Variants in NCBP1 observed in about 807,000 individuals in gnomAD.
The protein encoded by NCBP1 is nuclear cap-binding protein subunit 1.
NCBP1 carries 16 observed loss-of-function variants against 111.7 expected under a neutral mutation model. That is an observed-to-expected ratio of 0.14 (90% CI 0.10 to 0.22). The LOEUF (loss-of-function observed/expected upper bound fraction) is 0.22, where lower values mean the gene tolerates loss of function less well. NCBP1 is among the 10% of genes least tolerant of loss of function. The probability of loss-of-function intolerance (pLI) is 1.00; values close to 1 mark genes in which losing one functional copy is unlikely to be tolerated. For missense variants in NCBP1, 607 were observed against 957.5 expected, an observed-to-expected ratio of 0.63 and a Z score of 4.83; for synonymous variants, 304 against 314.3, an observed-to-expected ratio of 0.97 and a Z score of 0.35.
intron 8 of NCBP1, 81 bp downstream of exon 8, chr9:97,648,304 TG>T: frequency 7.7e-7 from 1 of 1,290,366 alleles, no homozygotes; most frequent in Non-Finnish European, 1.1e-6. Flanking sequence ...ATTATGCCTG[TG>T]GTATGTTTTA....
At position 97,655,707 on chromosome 9, in the gene NCBP1, T is replaced by C; in HGVS notation, c.1241T>C (p.Ile414Thr). 6.2e-7 allele frequency: 1 copy of C among 1,611,676 alleles called. No individual in the cohort carries two copies. The highest frequency in any genetic ancestry group is 8.5e-7 in the Non-Finnish European group (1 of 1,178,890). ...CCTCCCCCTTCTCTACGTAGGTTTA[T>C]TAATTGGTTTTCTCATCATCTAAGT... Reference protein sequence around the residue: ...TMNTTCVDRFINWFSHHLSNF... With the variant: ...TMNTTCVDRFTNWFSHHLSNF... The change falls in exon 13 of 23, where the codon ATT (isoleucine) becomes ACT (threonine). Residue 414 changes from isoleucine to threonine, a missense_variant. By Grantham distance (89) the Ile-to-Thr change is moderately conservative. Around this residue, in one of 9 missense-constraint regions of NCBP1, gnomAD observed 21 missense variants for 19.6 expected, o/e 1.07. Coordinates refer to ENST00000375147, the MANE Select transcript of NCBP1 (RefSeq NM_002486.5).
rs1052985354 is a variant in NCBP1 at position 97,656,221 on chromosome 9, A to G, written c.1373+136A>G. 110 of 747,426 alleles carry G rather than the reference A, an allele frequency of 1.5e-4. 3 individuals carry two copies. The Middle Eastern group carries it at 2.6e-3, about 18-fold the overall frequency. The allele number at this position is 747,426 out of a possible 1,614,324, so 46.3% of individuals were successfully genotyped here. A position where few individuals can be genotyped will look rare whatever the true frequency, so the allele number is the denominator to read the frequency against. ...TCCATCCCATTTTTAATCAAGACTT[A>G]GGCTAAGAAAAATTAGGCAACCATG... On this transcript the variant is annotated intron_variant, in intron 14 of 22. Coordinates refer to ENST00000375147, the MANE Select transcript of NCBP1 (RefSeq NM_002486.5).
intron 11 of NCBP1, 32 bp from the exon 12 acceptor site, chr9:97,654,848 G>C: frequency 4.4e-6 from 7 of 1,594,732 alleles, no homozygotes; most frequent in Admixed American, 1.7e-5. Flanking sequence ...GGATAAAAGT[G>C]GAGAATAGTT....
chr9:97,642,472 T>C (rs1010350925), intron 3 of NCBP1, among the ~76,000 whole-genome samples: 2 of 152,116 alleles, frequency 1.3e-5, no homozygotes, highest in African/African-American at 4.8e-5. Context: ...TTAATGATTA[T>C]GAATTCTTAT....
rs1564029976 is a variant in NCBP1, at chr9:97,666,860, G to C, written c.1999G>C (p.Ala667Pro). 1 of 1,605,892 alleles carries C rather than the reference G, an allele frequency of 6.2e-7. No homozygotes were observed. Among genetic ancestry groups the C allele is most frequent in the Admixed American group, 1.7e-5 (1 of 58,538 alleles). Residue 667 changes from alanine to proline, a missense_variant, in exon 20 of 23, where the codon GCT becomes CCT. Ala to Pro is a conservative substitution (Grantham distance 27, BLOSUM62 -1). Around this residue, in one of 9 missense-constraint regions of NCBP1, gnomAD observed 282 missense variants for 376.5 expected, o/e 0.75. Coordinates refer to ENST00000375147, the MANE Select transcript of NCBP1 (RefSeq NM_002486.5). ...KELEEAKEKL[A>P]RQHKRRSDDD... ...GCTGGAAGAAGCTAAAGAGAAACTT[G>C]CTAGGCAACACAAACGGGTAAGTTT...
At chr9:97,669,556 G>C (rs1055826923) in intron 21 of NCBP1, 37 bp from the exon 22 acceptor site, 5 of 1,413,750 alleles carry the variant, frequency 3.5e-6, no homozygotes, top group Non-Finnish European at 5.0e-6. Context: ...ATAAGATTCT[G>C]TCTGTAGTAC....
At chr9:97,642,122 A>G (rs976264002) in intron 3 of NCBP1, among the ~76,000 whole-genome samples, 3 of 152,090 alleles carry the variant, frequency 2.0e-5, no homozygotes. Flanking sequence ...TGAAATTGTA[A>G]TGTATCCATG....
At chr9:97,665,493 G>C (rs1233298572) in intron 19 of NCBP1, among the ~76,000 whole-genome samples, 2 of 152,292 alleles carry the variant, frequency 1.3e-5, no homozygotes, top group East Asian at 3.9e-4. Context: ...AATCTGTATA[G>C]TGCTCAACAG....
chr9:97,660,143 C>G (rs1049233302), intron 15 of NCBP1, among the ~76,000 whole-genome samples: 12 of 152,170 alleles, frequency 7.9e-5, no homozygotes, highest in Admixed American at 4.6e-4. Flanking sequence ...TTCTGTTTTT[C>G]TTCGCCTTCT....
At chr9:97,667,839 A>G (rs905793724) in intron 20 of NCBP1, among the ~76,000 whole-genome samples, 3 of 152,342 alleles carry the variant, frequency 2.0e-5, no homozygotes, top group Admixed American at 6.5e-5. Context: ...CAGGCTGCAC[A>G]TATTTATATA....
At chr9:97,654,357 CA>C (rs1827583438) in intron 11 of NCBP1, among the ~76,000 whole-genome samples, 1 of 151,882 alleles carries the variant, frequency 6.6e-6, no homozygotes, top group Non-Finnish European at 1.5e-5. Context: ...GATTCCATCT[CA>C]AAAAAACACT....
intron 20 of NCBP1, among the ~76,000 whole-genome samples, chr9:97,667,854 T>C (rs1250930684): frequency 6.6e-6 from 1 of 152,226 alleles, no homozygotes; most frequent in African/African-American, 2.4e-5. Context: ...TATATAACAT[T>C]GGCCCCATTG....
Position 97,651,304 on chromosome 9 carries a change from T to C in NCBP1, c.996-6T>C, listed in dbSNP as rs193282872. ...ACTTATTAAACTTAAATTACACTTT[T>C]TATAGTGCTGCACAGTTAGTGAGCT... On this transcript the variant is annotated splice_region_variant and splice_polypyrimidine_tract_variant and intron_variant, in intron 9 of 22. Transcript: ENST00000375147. The C allele has an allele frequency of 4.8e-5, 77 of 1,602,856 alleles. No individual in the cohort carries two copies. In the African/African-American group the frequency reaches 9.9e-4, roughly 21 times the overall value.
intron 16 of NCBP1, 123 bp from the exon 17 acceptor site, chr9:97,661,919 C>T: frequency 1.9e-6 from 1 of 534,500 alleles, no homozygotes; most frequent in Non-Finnish European, 3.1e-6. Context: ...TTTATTAGAA[C>T]CAAAAAACAT....
chr9:97,645,212 A>G lies in NCBP1; in HGVS notation c.477A>G (p.Glu159=). The G allele has an allele frequency of 6.2e-7, 1 of 1,612,046 alleles. No homozygotes were observed. The highest frequency in any genetic ancestry group is 8.5e-7 in the Non-Finnish European group (1 of 1,178,254). Residue 159 remains glutamate (E), a synonymous_variant, in exon 5 of 23, where the codon GAA becomes GAG. Coordinates refer to ENST00000375147, the MANE Select transcript of NCBP1 (RefSeq NM_002486.5). The part of the protein sequence containing the change: ...FENFVSVTQE[E]DVPQVRRDWY... Reference sequence around the variant, plus strand: ...ATTTTGTAAGCGTAACTCAGGAAGAAGATGTACCTCAGGTAAGAGAACCCC... The same window carrying G: ...ATTTTGTAAGCGTAACTCAGGAAGAGGATGTACCTCAGGTAAGAGAACCCC...
chr9:97,669,017 A>G (rs757424354), intron 21 of NCBP1, 43 bp downstream of exon 21: 6 of 1,525,548 alleles, frequency 3.9e-6, no homozygotes, highest in African/African-American at 2.8e-5. Flanking sequence ...GAAACAATAC[A>G]TTTCTTTAGT....
intron 16 of NCBP1, 147 bp downstream of exon 16, chr9:97,661,215 T>C (rs563885053): frequency 2.4e-6 from 2 of 845,926 alleles, no homozygotes; most frequent in Non-Finnish European, 3.4e-6. Context: ...CCCCAGGTAT[T>C]TTCCCCTTAT....
At position 97,645,597 on chromosome 9, in the gene NCBP1, T is replaced by A; in HGVS notation, c.490-14T>A. The A allele has an allele frequency of 6.2e-7, 1 of 1,608,806 alleles. No individual in the cohort carries two copies. The highest frequency in any genetic ancestry group is 8.5e-7 in the Non-Finnish European group (1 of 1,176,928). On this transcript the variant is annotated splice_polypyrimidine_tract_variant and intron_variant, in intron 5 of 22. Coordinates refer to ENST00000375147, the MANE Select transcript of NCBP1 (RefSeq NM_002486.5). Reference sequence around the variant, plus strand: ...AAAGCATATTTTAAACTTAACTTTTTAAAAATCCTTTAGGTGCGACGAGAT... The same window carrying A: ...AAAGCATATTTTAAACTTAACTTTTAAAAAATCCTTTAGGTGCGACGAGAT...
chr9:97,636,600 T>A (rs1020634344), intron 1 of NCBP1, among the ~76,000 whole-genome samples: 9 of 143,088 alleles, frequency 6.3e-5, no homozygotes, highest in Admixed American at 5.0e-4. Flanking sequence ...TATAATTATA[T>A]ACTGTATATA....
Sources: gnomAD v4.1 joint callset for allele counts (sites outside exome capture counted in the v4.1 genomes callset) on GRCh38, gnomAD v4.1.1 for gene constraint, gnomAD v4.1.1 regional missense constraint, MANE v1.5 for transcripts, NCBI Gene and HGNC (gene_info 2026-07-23, HGNC 2026-07-21) for gene names.